Variants in TDRD7 observed in about 807,000 individuals in gnomAD.
TDRD7 encodes the protein tudor domain containing 7.
TDRD7 carries 47 observed loss-of-function variants against 109.8 expected under a neutral mutation model. The observed-to-expected ratio is 0.43, with a 90% CI of 0.34 to 0.55. TDRD7 has a LOEUF of 0.55. TDRD7 is among the 20% of genes least tolerant of loss of function. The probability of loss-of-function intolerance (pLI) is 0.03; values close to 1 mark genes in which losing one functional copy is unlikely to be tolerated. For missense variants in TDRD7, 1,164 were observed against 1,319.2 expected (o/e 0.88, Z 1.82); for synonymous variants, 424 against 457.3 (o/e 0.93, Z 0.93).
At chr9:97,489,068 C>T (rs540034155) in intron 16 of TDRD7, among the ~76,000 whole-genome samples, 7 of 152,256 alleles carry the variant, frequency 4.6e-5, no homozygotes, top group Middle Eastern at 3.4e-3. Flanking sequence ...AAATGTGGTT[C>T]GTCTTGATGA....
rs1829155445 is a variant in TDRD7 at position 97,483,315 on chromosome 9, A to G, written c.2879A>G (p.Glu960Gly). Residue 960 changes from glutamate (E) to glycine (G), a missense_variant, in exon 15 of 17, where the codon GAG (glutamate) becomes GGG (glycine). By Grantham distance (98) the Glu-to-Gly change is moderately conservative. Coordinates refer to ENST00000355295, the MANE Select transcript of TDRD7 (RefSeq NM_014290.3). ...TCTGAAGAGCGCCACATAGCAGTGG[A>G]GAAAGACCAAGTGTATGCTGCAAAA... ...SVSEERHIAV[E>G]KDQVYAAKVE... The G allele has an allele frequency of 6.2e-7, 1 of 1,614,184 alleles. No homozygotes were observed. The highest frequency in any genetic ancestry group is 8.5e-7 in the Non-Finnish European group (1 of 1,180,030).
In TDRD7 at chr9:97,439,201, T is replaced by C. The variant is rs750032089; in HGVS notation, c.564-44T>C. On this transcript the variant is annotated intron_variant, in intron 4 of 16. Transcript: ENST00000355295. ...AGTGTTTAAAACTTGGTATAGACTT[T>C]GTTATTTACATTTATTTTACTTTTT... 4 of 1,488,264 alleles carry C rather than the reference T, an allele frequency of 2.7e-6. No individual in the cohort carries two copies. The South Asian group carries it at 5.1e-5, about 19-fold the overall frequency. 92.2% of individuals were successfully genotyped at this position (1,488,264 alleles called of 1,614,324 possible).
At chr9:97,444,210 G>C (rs1054200232) in intron 6 of TDRD7, among the ~76,000 whole-genome samples, 1 of 152,154 alleles carries the variant, frequency 6.6e-6, no homozygotes, top group South Asian at 2.1e-4. Context: ...TCCAAGCAAT[G>C]AGAGTCAGAA....
At chr9:97,413,798 G>A (rs998619366) in intron 1 of TDRD7, among the ~76,000 whole-genome samples, 2 of 152,224 alleles carry the variant, frequency 1.3e-5, no homozygotes, top group Admixed American at 1.3e-4. Flanking sequence ...GCAGTTGGCA[G>A]TGCCTTCAGA....
intron 8 of TDRD7, among the ~76,000 whole-genome samples, chr9:97,466,155 A>G (rs1394006535): frequency 6.6e-6 from 1 of 152,124 alleles, no homozygotes; most frequent in African/African-American, 2.4e-5. Flanking sequence ...AGTGCAAATG[A>G]CCAGTCCCTG....
intron 1 of TDRD7, among the ~76,000 whole-genome samples, chr9:97,418,683 G>A (rs567357308): frequency 3.2e-4 from 48 of 152,314 alleles, no homozygotes; most frequent in African/African-American, 1.1e-3. Flanking sequence ...GAAGGCTTTC[G>A]CAGAGGGCAA....
chr9:97,444,574 A>T (rs1320080847), intron 6 of TDRD7, among the ~76,000 whole-genome samples: 1 of 152,234 alleles, frequency 6.6e-6, no homozygotes, highest in Non-Finnish European at 1.5e-5. Context: ...GCAAAATTAG[A>T]TAGTCTCAAG....
At position 97,445,093 on chromosome 9, in the gene TDRD7, C is replaced by T. The variant is rs16920418; in HGVS notation, c.855+3218C>T. On this transcript the variant is annotated intron_variant, in intron 6 of 16. Coordinates refer to ENST00000355295, the MANE Select transcript of TDRD7 (RefSeq NM_014290.3). ...ACAATGAGCCAGCTCCAAGGTATTC[C>T]TAGACAACTTGTGAGGGAAGTGGAA... Among the ~76,000 whole-genome samples the T allele has an allele frequency of 8.3e-3, 1,258 of 152,190 alleles. 46 individuals carry two copies. The East Asian group carries it at 0.11, about 13-fold the overall frequency.
At chr9:97,473,774 G>A in intron 11 of TDRD7, 148 bp downstream of exon 11, 1 of 1,042,704 alleles carries the variant, frequency 9.6e-7, no homozygotes, top group Non-Finnish European at 1.4e-6. Context: ...TAGGTAAAGA[G>A]CTCCAGACTT....
At chr9:97,474,335 G>A (rs997862199) in intron 11 of TDRD7, among the ~76,000 whole-genome samples, 2 of 151,876 alleles carry the variant, frequency 1.3e-5, no homozygotes, top group Admixed American at 6.6e-5. Flanking sequence ...TTACCCCCTC[G>A]TCCCTGGAAG....
intron 6 of TDRD7, among the ~76,000 whole-genome samples, chr9:97,447,765 A>G (rs895735117): frequency 6.6e-6 from 1 of 152,242 alleles, no homozygotes; most frequent in African/African-American, 2.4e-5. Flanking sequence ...TGTCCAATGC[A>G]CATTGAAAGC....
At chr9:97,439,955 G>A (rs1272285652) in intron 5 of TDRD7, among the ~76,000 whole-genome samples, 3 of 151,962 alleles carry the variant, frequency 2.0e-5, no homozygotes, top group African/African-American at 7.3e-5. Flanking sequence ...GGGAGACAGT[G>A]TTTTCGTATC....
intron 15 of TDRD7, among the ~76,000 whole-genome samples, chr9:97,486,261 T>C: frequency 6.6e-6 from 1 of 152,214 alleles, no homozygotes; most frequent in Non-Finnish European, 1.5e-5. Context: ...AGGAACAATC[T>C]TCCTTTCCTT....
chr9:97,443,104 A>G (rs1828339940), intron 6 of TDRD7, among the ~76,000 whole-genome samples: 1 of 152,042 alleles, frequency 6.6e-6, no homozygotes, highest in Non-Finnish European at 1.5e-5. Flanking sequence ...GGCCGAAAAC[A>G]TGTGTTTTTG....
intron 3 of TDRD7, among the ~76,000 whole-genome samples, chr9:97,431,289 TAACTC>T (rs1311769880): frequency 3.9e-5 from 6 of 152,212 alleles, no homozygotes; most frequent in Admixed American, 6.5e-5. Context: ...CAGTGGGAAA[TAACTC>T]AGAACAGATT....
In TDRD7 at chr9:97,460,305, C is replaced by T. The variant is rs1564205970; in HGVS notation, c.983C>T (p.Pro328Leu). Residue 328 changes from proline (P) to leucine (L), a missense_variant, in exon 7 of 17, where the codon CCA becomes CTA. This residue lies in a region of TDRD7 where 407 missense variants were observed against 394.0 expected (regional missense o/e 1.03). Coordinates refer to ENST00000355295, the MANE Select transcript of TDRD7 (RefSeq NM_014290.3). ...LSPLPGPKQT[P>L]PLKGCPTVMA... ...CCACTACCTGGTCCCAAACAAACAC[C>T]ACCGTTGAAAGGGTGTCCAACAGTT... 1 of 1,614,064 alleles carries T rather than the reference C, an allele frequency of 6.2e-7. No homozygotes were observed. The highest frequency in any genetic ancestry group is 8.5e-7 in the Non-Finnish European group (1 of 1,180,042).
In TDRD7 at chr9:97,430,986, G is replaced by A. The variant is rs947822019; in HGVS notation, c.261G>A (p.Val87=). 5 of 1,613,888 alleles carry A rather than the reference G, an allele frequency of 3.1e-6. No individual in the cohort carries two copies. The highest frequency in any genetic ancestry group is 4.2e-6 in the Non-Finnish European group (5 of 1,179,868). Residue 87 remains valine, a synonymous_variant, in exon 3 of 17, where the codon GTG becomes GTA. Coordinates refer to ENST00000355295, the MANE Select transcript of TDRD7 (RefSeq NM_014290.3). ...AAACTGCAAGAATTGCTCAGCTTGT[G>A]GCTCGTCAAAGGAGTTCTAAAAGGA... ...CTETARIAQL[V]ARQRSSKRKT...
At chr9:97,458,761 G>A (rs1828662006) in intron 6 of TDRD7, among the ~76,000 whole-genome samples, 1 of 152,186 alleles carries the variant, frequency 6.6e-6, no homozygotes, top group Non-Finnish European at 1.5e-5. Flanking sequence ...ATGTGATGTA[G>A]AATATGTAGT....
chr9:97,431,171 G>A (rs1828098394), intron 3 of TDRD7, 97 bp downstream of exon 3: 10 of 1,542,750 alleles, frequency 6.5e-6, no homozygotes, highest in Non-Finnish European at 4.5e-6. Flanking sequence ...ATAAATACTT[G>A]TATCTGTTAA....
Sources: allele counts gnomAD v4.1 joint callset (sites outside exome capture counted in the v4.1 genomes callset), GRCh38; gene constraint gnomAD v4.1.1; regional missense constraint gnomAD v4.1.1; transcripts MANE v1.5; gene names NCBI Gene and HGNC (gene_info 2026-07-23, HGNC 2026-07-21).